ATG7: variants seen among roughly 807,000 people sequenced by gnomAD.
ATG7 encodes ubiquitin-like modifier-activating enzyme ATG7.
In ATG7, 70 loss-of-function variants were observed where a neutral mutation model predicts 82.4. That is an observed-to-expected ratio of 0.85 (90% confidence interval 0.70 to 1.04). ATG7 has a LOEUF of 1.04. ATG7 is among the 50% of genes least tolerant of loss of function. The probability of loss-of-function intolerance (pLI) is 0.00; values close to 1 mark genes in which losing one functional copy is unlikely to be tolerated. For synonymous variants in ATG7, 287 were observed against 313.0 expected, an observed-to-expected ratio of 0.92 and a Z score of 0.88; for missense variants, 792 against 864.3, an observed-to-expected ratio of 0.92 and a Z score of 1.05.
intron 19 of ATG7, among the ~76,000 whole-genome samples, chr3:11,383,727 C>T (rs67825010): frequency 0.17 from 25,851 of 152,208 alleles, 2,514 homozygotes; most frequent in South Asian, 0.35. Flanking sequence ...AGATTACAGG[C>T]GTGAGCCACC....
chr3:11,324,458 C>T (rs1435657232), intron 9 of ATG7, among the ~76,000 whole-genome samples: 2 of 152,052 alleles, frequency 1.3e-5, no homozygotes, highest in Non-Finnish European at 2.9e-5. Flanking sequence ...TTTTCCTATT[C>T]GACGCCTGCC....
At chr3:11,376,748 T>C (rs539044472) in intron 18 of ATG7, among the ~76,000 whole-genome samples, 2 of 152,302 alleles carry the variant, frequency 1.3e-5, no homozygotes, top group South Asian at 2.1e-4. Flanking sequence ...TATTTTATTT[T>C]TATTTTTTGA....
intron 9 of ATG7, among the ~76,000 whole-genome samples, chr3:11,327,282 C>T (rs911155638): frequency 6.6e-6 from 1 of 152,194 alleles, no homozygotes; most frequent in Non-Finnish European, 1.5e-5. Context: ...ATGCTTGTTT[C>T]TCCATATTTT....
At chr3:11,348,192 A>C (rs1229642701) in intron 14 of ATG7, 157 bp downstream of exon 14, 1 of 1,069,782 alleles carries the variant, frequency 9.3e-7, no homozygotes, top group East Asian at 2.6e-5. Flanking sequence ...CATCTCAGAG[A>C]GGGATAAAAA....
In ATG7 at chr3:11,394,729, G is replaced by A. The variant is rs930323093; in HGVS notation, c.1956+14677G>A. The stretch of plus-strand genomic sequence containing the variant: ...CAATTTCACATTATTTAAGTGGCCC[G>A]GAAACCGTAAGGCTTCCTTGCATTA... On this transcript the variant is annotated intron_variant, in intron 19 of 20. Coordinates refer to ENST00000693202, the MANE Select transcript of ATG7 (RefSeq NM_001349232.2). Among the ~76,000 whole-genome samples the A allele has an allele frequency of 9.9e-5, 15 of 152,238 alleles. No homozygotes were observed. The South Asian group carries it at 1.5e-3, about 15-fold the overall frequency.
intron 19 of ATG7, among the ~76,000 whole-genome samples, chr3:11,394,370 T>C (rs2079047930): frequency 6.6e-6 from 1 of 152,194 alleles, no homozygotes; most frequent in African/African-American, 2.4e-5. Flanking sequence ...ACTGGATCAG[T>C]TGCTTCTAAA....
chr3:11,391,965 G>GGC (rs1553640447), intron 19 of ATG7, among the ~76,000 whole-genome samples: 1 of 141,876 alleles, frequency 7.0e-6, no homozygotes, highest in African/African-American at 2.6e-5. Context: ...TATTGGGGGG[G>GGC]GGGTAATTTC....
chr3:11,511,500 G>A (rs995221985), intron 20 of ATG7, among the ~76,000 whole-genome samples: 15 of 152,204 alleles, frequency 9.9e-5, no homozygotes, highest in Non-Finnish European at 1.8e-4. Flanking sequence ...GACTCTCCAT[G>A]TCCCCACCAG....
intron 20 of ATG7, among the ~76,000 whole-genome samples, chr3:11,501,048 A>G (rs1293526331): frequency 6.6e-6 from 1 of 152,212 alleles, no homozygotes; most frequent in East Asian, 1.9e-4. Context: ...TGAGGCCAGG[A>G]GTTCAAGACC....
In ATG7 at chr3:11,487,363, C is replaced by T. The variant is rs1266474643; in HGVS notation, c.2079+60437C>T. On this transcript the variant is annotated intron_variant, in intron 20 of 20. Coordinates refer to ENST00000693202, the MANE Select transcript of ATG7 (RefSeq NM_001349232.2). ...TGAGCTGTTGGGCATACCTCCCAGA[C>T]GGGGTGGTGGCCGGGCAGAGGGGCT... Among the ~76,000 whole-genome samples, 17 of 43,702 alleles carry T rather than the reference C, an allele frequency of 3.9e-4. 4 individuals carry two copies. Among genetic ancestry groups the T allele is most frequent in the African/African-American group, 1.1e-3 (14 of 12,316 alleles). The allele number at this position is 43,702 out of a possible 152,430, so 28.7% of individuals were successfully genotyped here.
chr3:11,482,620 T>TA (rs1464121726), intron 20 of ATG7, among the ~76,000 whole-genome samples: 1 of 152,126 alleles, frequency 6.6e-6, no homozygotes, highest in East Asian at 1.9e-4. Flanking sequence ...AGTACTTTGA[T>TA]AGGTGGTGTA....
chr3:11,428,360 C>G (rs998674344), intron 20 of ATG7, among the ~76,000 whole-genome samples: 1 of 149,218 alleles, frequency 6.7e-6, no homozygotes, highest in African/African-American at 2.5e-5. Flanking sequence ...GTAGAAATAC[C>G]AAAGTCAGAC....
chr3:11,327,934 G>A (rs140075103), intron 9 of ATG7, among the ~76,000 whole-genome samples: 50 of 152,296 alleles, frequency 3.3e-4, no homozygotes, highest in African/African-American at 1.1e-3. Flanking sequence ...ATGCTGCTGG[G>A]GCATGGACCA....
rs144236149 is a variant in ATG7 at position 11,274,638 on chromosome 3, C to T, written c.-366+2208C>T. On this transcript the variant is annotated intron_variant, in intron 1 of 20. Transcript: ENST00000693202. Reference sequence around the variant, plus strand: ...GCCCTGTGGACAATAGCATGTTACCCGCACATAGACTTTGGGATCCAAGAT... The same window carrying T: ...GCCCTGTGGACAATAGCATGTTACCTGCACATAGACTTTGGGATCCAAGAT... 4.9e-3 allele frequency among the ~76,000 whole-genome samples: 744 copies of T among 152,164 alleles called. 6 individuals are homozygous for T. The highest frequency in any genetic ancestry group is 0.017 in the African/African-American group (705 of 41,512).
At chr3:11,558,154 CCA>C (rs2072612586), downstream of ATG7, 1 of 244,360 alleles carries the variant, frequency 4.1e-6, no homozygotes, top group Non-Finnish European at 8.0e-6. Flanking sequence ...GGAAGCTGAG[CCA>C]CACACACCCC....
rs752649568 is a variant in ATG7, at chr3:11,364,648, C to T, written c.1800-11C>T. ...ATTAAATGAGCAGCTCTGATTGTTT[C>T]CTGTCCTCAGGGGCTATGCCATTGC... On this transcript the variant is annotated splice_polypyrimidine_tract_variant and intron_variant, in intron 17 of 20. Coordinates refer to ENST00000693202, the MANE Select transcript of ATG7 (RefSeq NM_001349232.2). 11 of 1,613,904 alleles carry T rather than the reference C, an allele frequency of 6.8e-6. No individual in the cohort carries two copies. Among genetic ancestry groups the T allele is most frequent in the Admixed American group, 1.7e-5 (1 of 60,000 alleles).
chr3:11,358,486 G>A lies in ATG7; in HGVS notation c.1353G>A (p.Leu451=), dbSNP rs757712379. The part of the protein sequence containing the change: ...GHPVNFSSVT[L]EQARRDVEQL... ...CAGTGAACTTCTCCAGTGTCACTCT[G>A]GAGCAAGCCCGCAGAGATGTGGAGC... Residue 451 remains leucine, a synonymous_variant, in exon 15 of 21, where the codon CTG becomes CTA. Transcript: ENST00000693202. The A allele has an allele frequency of 6.2e-7, 1 of 1,614,092 alleles. No individual in the cohort carries two copies. Among genetic ancestry groups the A allele is most frequent in the African/African-American group, 1.3e-5 (1 of 75,026 alleles).
At chr3:11,554,362 G>C (rs1178491276) in intron 20 of ATG7, among the ~76,000 whole-genome samples, 1 of 152,200 alleles carries the variant, frequency 6.6e-6, no homozygotes. Flanking sequence ...CATGGAGCAG[G>C]TGCCCAGGGT....
At chr3:11,410,034 G>C (rs551788350) in intron 19 of ATG7, among the ~76,000 whole-genome samples, 35 of 152,188 alleles carry the variant, frequency 2.3e-4, no homozygotes, top group African/African-American at 7.0e-4. Context: ...TTAATATTAT[G>C]TTGGCTTATC....
Sources: gnomAD v4.1 joint callset for allele counts (sites outside exome capture counted in the v4.1 genomes callset) on GRCh38, gnomAD v4.1.1 for gene constraint, MANE v1.5 for transcripts, NCBI Gene and HGNC (gene_info 2026-07-23, HGNC 2026-07-21) for gene names.